The following MORN1 variants were observed in gnomAD, a reference collection of about 807,000 sequenced individuals.
MORN1 encodes MORN repeat-containing protein 1.
MORN1 carries 67 observed loss-of-function variants against 61.9 expected under a neutral mutation model. That is an observed-to-expected ratio of 1.08 (90% CI 0.89 to 1.33). The LOEUF (loss-of-function observed/expected upper bound fraction) is 1.33, where lower values mean the gene tolerates loss of function less well. Among genes scored for constraint, MORN1 ranks in the 40% most tolerant of loss-of-function variants. MORN1 has a pLI of 0.00. For missense variants in MORN1, 752 were observed against 691.2 expected, an observed-to-expected ratio of 1.09 and a Z score of -0.99; for synonymous variants, 301 against 292.0, an observed-to-expected ratio of 1.03 and a Z score of -0.31.
intron 13 of MORN1, chr1:2,323,704 C>G: frequency 1.0e-6 from 1 of 985,354 alleles, no homozygotes; most frequent in Non-Finnish European, 1.2e-6. Flanking sequence ...GCCCACCAAG[C>G]CCTGCAGCCG....
At chr1:2,329,854 A>T (rs1641110760) in intron 12 of MORN1, among the ~76,000 whole-genome samples, 1 of 152,224 alleles carries the variant, frequency 6.6e-6, no homozygotes, top group Non-Finnish European at 1.5e-5. Flanking sequence ...ATGCTCAGAG[A>T]TGGCACCAGC....
intron 10 of MORN1, among the ~76,000 whole-genome samples, chr1:2,346,289 A>C (rs1186465044): frequency 6.6e-6 from 1 of 152,208 alleles, no homozygotes. Flanking sequence ...AAGGTTCCCA[A>C]GTGCTGGGAG....
intron 13 of MORN1, chr1:2,323,064 C>A (rs760654239): frequency 2.0e-6 from 2 of 985,420 alleles, no homozygotes; most frequent in Non-Finnish European, 1.2e-6. Context: ...CCTGGCCGAG[C>A]GGCTGCGCAC....
chr1:2,348,802 C>T (rs1368989341), intron 10 of MORN1, among the ~76,000 whole-genome samples: 2 of 148,696 alleles, frequency 1.3e-5, no homozygotes, highest in African/African-American at 2.6e-5. Context: ...CACACGCACT[C>T]CTGCGCGGGC....
At chr1:2,368,127 T>C (rs1043287866) in intron 8 of MORN1, among the ~76,000 whole-genome samples, 17 of 152,228 alleles carry the variant, frequency 1.1e-4, no homozygotes, top group Admixed American at 6.5e-5. Flanking sequence ...AAAAATGTAT[T>C]TGCAAATTAG....
At chr1:2,385,956 G>A in intron 4 of MORN1, 59 bp from the exon 5 acceptor site, 2 of 1,467,690 alleles carry the variant, frequency 1.4e-6, no homozygotes, top group Non-Finnish European at 1.9e-6. Flanking sequence ...TCTGAGAAGG[G>A]ATCTGCCCTC....
chr1:2,353,335 C>A (rs548509378), intron 10 of MORN1, among the ~76,000 whole-genome samples: 1 of 152,258 alleles, frequency 6.6e-6, no homozygotes, highest in Non-Finnish European at 1.5e-5. Flanking sequence ...GCCGGCCCCC[C>A]TGTCCCTGCT....
At chr1:2,327,617 G>C (rs569100936) in intron 12 of MORN1, among the ~76,000 whole-genome samples, 3 of 152,262 alleles carry the variant, frequency 2.0e-5, no homozygotes, top group Non-Finnish European at 2.9e-5. Context: ...CAGGCCCAGA[G>C]GCTGTGGACG....
At chr1:2,358,206 G>GT (rs1254792460) in intron 9 of MORN1, among the ~76,000 whole-genome samples, 1 of 152,100 alleles carries the variant, frequency 6.6e-6, no homozygotes, top group Non-Finnish European at 1.5e-5. Context: ...GGCCTGGCTG[G>GT]TAAGGGCCAC....
intron 9 of MORN1, 50 bp downstream of exon 9, chr1:2,358,542 T>G (rs779566756): frequency 1.2e-6 from 2 of 1,611,698 alleles, no homozygotes; most frequent in Non-Finnish European, 1.7e-6. Context: ...GTGACCTAAA[T>G]GAACTCAAAA....
chr1:2,372,759 GACC>G lies in MORN1; in HGVS notation c.635-171_635-169del, dbSNP rs774368916. Reference sequence around the variant, plus strand: ...TCCGCAAACCACCTTGCAGAGCAGCGACCTGGGCAGTCGTCCACACTCAGACCG... The same window carrying G: ...TCCGCAAACCACCTTGCAGAGCAGCGTGGGCAGTCGTCCACACTCAGACCG... On this transcript the variant is annotated intron_variant, in intron 7 of 13. Coordinates refer to ENST00000378531, the MANE Select transcript of MORN1 (RefSeq NM_024848.3). This position sits in a 1 kb window ranked among gnomAD's most constrained non-coding sequence, Gnocchi z 5.4. 0.28 allele frequency among the ~76,000 whole-genome samples: 41,944 copies of G among 151,882 alleles called. 6,924 individuals carry two copies. Among genetic ancestry groups the G allele is most frequent in the East Asian group, 0.54 (2,741 of 5,116 alleles).
chr1:2,388,362 A>C (rs577374745), intron 2 of MORN1, 25 bp from the exon 3 acceptor site: 1 of 1,587,612 alleles, frequency 6.3e-7, no homozygotes, highest in South Asian at 1.1e-5. Flanking sequence ...CGTCACGTGA[A>C]CTCAGACAGT....
chr1:2,343,651 G>A (rs1203637684), intron 10 of MORN1, among the ~76,000 whole-genome samples: 1 of 152,174 alleles, frequency 6.6e-6, no homozygotes, highest in Non-Finnish European at 1.5e-5. Context: ...CAGGCCAGGA[G>A]CCACCCTGCC....
chr1:2,333,528 G>A (rs1252903657), intron 12 of MORN1, among the ~76,000 whole-genome samples: 1 of 152,228 alleles, frequency 6.6e-6, no homozygotes. Context: ...GGGCCACACT[G>A]TAGGGGGACC....
At chr1:2,356,764 A>G (rs1426410581) in intron 10 of MORN1, among the ~76,000 whole-genome samples, 8 of 152,306 alleles carry the variant, frequency 5.3e-5, no homozygotes, top group Admixed American at 4.6e-4. Flanking sequence ...CTCACTGCAC[A>G]GGAGGGTTTG....
chr1:2,357,106 CT>C lies in MORN1; in HGVS notation c.1036+325del, dbSNP rs1199527222. Reference sequence around the variant, plus strand: ...AGGAGTGGCTGGGGCCGTGTCCAGGCTGGCCACTGGCCTCGAGGCCTGGGTG... The same window carrying C: ...AGGAGTGGCTGGGGCCGTGTCCAGGCGGCCACTGGCCTCGAGGCCTGGGTG... On this transcript the variant is annotated intron_variant, in intron 10 of 13. Transcript: ENST00000378531. The surrounding 1 kb of genome is among the most constrained non-coding windows in gnomAD (Gnocchi z 6.3). Among the ~76,000 whole-genome samples the C allele has an allele frequency of 2.6e-5, 4 of 152,152 alleles. No homozygotes were observed. The highest frequency in any genetic ancestry group is 2.6e-4 in the Admixed American group (4 of 15,286).
In MORN1 at chr1:2,372,383, G is replaced by C. The variant is rs2100337707; in HGVS notation, c.745+98C>G. ...ACGAAGTCACTGCTGTGCCTCAGGA[G>C]CCACATGCAACATCTCGTCCGCATC... On this transcript the variant is annotated intron_variant, in intron 8 of 13. Transcript: ENST00000378531. This position sits in a 1 kb window ranked among gnomAD's most constrained non-coding sequence, Gnocchi z 5.4. The C allele has an allele frequency of 1.1e-6, 1 of 916,390 alleles. No homozygotes were observed. Among genetic ancestry groups the C allele is most frequent in the East Asian group, 2.7e-5 (1 of 37,370 alleles). 56.8% of individuals were successfully genotyped at this position (916,390 alleles called of 1,614,324 possible).
chr1:2,323,561 A>C, intron 13 of MORN1: 1 of 985,244 alleles, frequency 1.0e-6, no homozygotes, highest in Non-Finnish European at 1.2e-6. Flanking sequence ...TGCCAGGCCC[A>C]GGCTGTGGGG....
rs1162176891 is a variant in MORN1 at position 2,357,198 on chromosome 1, C to A, written c.1036+234G>T. On this transcript the variant is annotated intron_variant, in intron 10 of 13. Coordinates refer to ENST00000378531, the MANE Select transcript of MORN1 (RefSeq NM_024848.3). The surrounding 1 kb of genome is among the most constrained non-coding windows in gnomAD (Gnocchi z 6.3). ...TGAGGACCCCACGAGGCTGCAGCCC[C>A]TGCCAGGCTCACGGCAGACGAACAA... is the stretch of plus-strand genomic sequence containing the variant. Among the ~76,000 whole-genome samples the A allele has an allele frequency of 6.6e-6, 1 of 152,174 alleles. No individual in the cohort carries two copies. Among genetic ancestry groups the A allele is most frequent in the African/African-American group, 2.4e-5 (1 of 41,446 alleles).
Sources: allele counts gnomAD v4.1 joint callset (sites outside exome capture counted in the v4.1 genomes callset), GRCh38; gene constraint gnomAD v4.1.1; non-coding constraint Gnocchi (gnomAD v3.1); transcripts MANE v1.5; gene names NCBI Gene and HGNC (gene_info 2026-07-23, HGNC 2026-07-21).